Variants in PHF21A observed in about 807,000 individuals in gnomAD.
PHF21A encodes BHC80a.
PHF21A carries 11 observed loss-of-function variants against 82.5 expected under a neutral mutation model. The observed-to-expected ratio is 0.13, with a 90% CI of 0.08 to 0.22. The LOEUF (loss-of-function observed/expected upper bound fraction) is 0.22. Ranked by LOEUF, PHF21A falls within the 10% of genes least tolerant of loss-of-function variation. The pLI is 1.00. For missense variants in PHF21A, 579 were observed against 837.8 expected (o/e 0.69, Z 3.81); for synonymous variants, 297 against 302.8 (o/e 0.98, Z 0.20).
intron 4 of PHF21A, among the ~76,000 whole-genome samples, chr11:46,081,704 A>G (rs2096794445): frequency 1.3e-5 from 2 of 152,246 alleles, no homozygotes; most frequent in South Asian, 2.1e-4. Context: ...GAATGCGGCA[A>G]TATTTCTTGA....
chr11:45,935,559 C>T (rs757810876), intron 18 of PHF21A, 77 bp downstream of exon 18: 9 of 824,872 alleles, frequency 1.1e-5, no homozygotes, highest in East Asian at 2.4e-5. Flanking sequence ...GGGGCCCACA[C>T]GTACTGTTAC....
intron 6 of PHF21A, among the ~76,000 whole-genome samples, chr11:46,040,251 C>T (rs1482692134): frequency 6.6e-6 from 1 of 152,156 alleles, no homozygotes; most frequent in Non-Finnish European, 1.5e-5. Context: ...ATAATGGTCT[C>T]ACCTCAGTGG....
At chr11:46,010,590 TTC>T (rs1301704709) in intron 6 of PHF21A, among the ~76,000 whole-genome samples, 1 of 152,170 alleles carries the variant, frequency 6.6e-6, no homozygotes, top group African/African-American at 2.4e-5. Context: ...GCTTTTTGGG[TTC>T]TCTTCTTTTG....
chr11:45,963,973 C>A (rs1373931347), intron 10 of PHF21A, among the ~76,000 whole-genome samples: 2 of 151,884 alleles, frequency 1.3e-5, no homozygotes, highest in Admixed American at 1.3e-4. Flanking sequence ...CTGAGGCAGG[C>A]AGGTCACTTG....
chr11:46,015,076 A>C (rs1248350860), intron 6 of PHF21A, among the ~76,000 whole-genome samples: 2 of 152,078 alleles, frequency 1.3e-5, no homozygotes, highest in Non-Finnish European at 2.9e-5. Context: ...TGTGCTTTTG[A>C]TTTGCATTTC....
chr11:46,074,463 G>T (rs576930820), intron 6 of PHF21A, among the ~76,000 whole-genome samples: 6 of 89,028 alleles, frequency 6.7e-5, no homozygotes, highest in African/African-American at 1.7e-4. Context: ...TTTGGCGGGA[G>T]GGGGGAAGGC....
chr11:46,000,265 G>A lies in PHF21A; in HGVS notation c.154-20299C>T, dbSNP rs1333412411. On this transcript the variant is annotated intron_variant, in intron 6 of 18. Coordinates refer to ENST00000676320, the MANE Select transcript of PHF21A (RefSeq NM_001352027.3). Reference sequence around the variant, plus strand: ...TATTCACTTCTACACTATATGCCAAGGAATACAGTGTTATTTAGAAAATAT... The same window carrying A: ...TATTCACTTCTACACTATATGCCAAAGAATACAGTGTTATTTAGAAAATAT... Among the ~76,000 whole-genome samples the A allele has an allele frequency of 4.6e-5, 7 of 152,156 alleles. No individual in the cohort carries two copies. In the South Asian group the frequency reaches 1.4e-3, roughly 31 times the overall value.
chr11:46,017,583 A>G (rs569926349), intron 6 of PHF21A, among the ~76,000 whole-genome samples: 39 of 144,530 alleles, frequency 2.7e-4, no homozygotes, highest in South Asian at 8.8e-4. Context: ...CTTAAGGGGG[A>G]AAAAAAAAAA....
At chr11:46,038,370 C>T (rs2096060706) in intron 6 of PHF21A, among the ~76,000 whole-genome samples, 2 of 152,062 alleles carry the variant, frequency 1.3e-5, no homozygotes, top group African/African-American at 2.4e-5. Flanking sequence ...TCAAGTGATC[C>T]ACCCGCCTCA....
chr11:46,076,181 G>A (rs1391951842), intron 6 of PHF21A, among the ~76,000 whole-genome samples: 1 of 152,180 alleles, frequency 6.6e-6, no homozygotes, highest in Non-Finnish European at 1.5e-5. Flanking sequence ...TATTTTCCAG[G>A]TGTCCTTGGA....
chr11:45,963,270 A>G (rs2093223613), intron 10 of PHF21A, among the ~76,000 whole-genome samples: 1 of 151,850 alleles, frequency 6.6e-6, no homozygotes, highest in Non-Finnish European at 1.5e-5. Context: ...AAATACAAAA[A>G]TTAGCCGGGT....
intron 6 of PHF21A, among the ~76,000 whole-genome samples, chr11:46,054,180 G>A (rs1466316923): frequency 6.6e-6 from 1 of 152,114 alleles, no homozygotes; most frequent in African/African-American, 2.4e-5. Flanking sequence ...ACTATAGTCA[G>A]AGAAGAATTT....
chr11:45,941,756 G>A (rs2090388439), intron 15 of PHF21A, among the ~76,000 whole-genome samples: 1 of 152,222 alleles, frequency 6.6e-6, no homozygotes, highest in Admixed American at 6.5e-5. Context: ...CGGTAGGTAA[G>A]TTGAAAAACA....
intron 12 of PHF21A, 120 bp downstream of exon 12, chr11:45,950,086 G>C (rs1339194816): frequency 8.1e-6 from 6 of 741,078 alleles, no homozygotes; most frequent in Non-Finnish European, 1.1e-5. Flanking sequence ...AGTCCACATT[G>C]GCTGAATCAT....
At chr11:46,064,192 C>T (rs2096568441) in intron 6 of PHF21A, among the ~76,000 whole-genome samples, 1 of 152,138 alleles carries the variant, frequency 6.6e-6, no homozygotes, top group African/African-American at 2.4e-5. Context: ...TAATCATTCA[C>T]TGTTCATAGG....
chr11:46,025,911 C>T (rs910199074), intron 6 of PHF21A, among the ~76,000 whole-genome samples: 16 of 152,078 alleles, frequency 1.1e-4, no homozygotes, highest in African/African-American at 3.4e-4. Flanking sequence ...TTATTGTAGG[C>T]GAAGACATTT....
At position 46,087,763 on chromosome 11, in the gene PHF21A, AT is replaced by A. The variant is rs548977894; in HGVS notation, c.-84+2691del. Among the ~76,000 whole-genome samples the A allele has an allele frequency of 7.9e-5, 12 of 151,944 alleles. No homozygotes were observed. In the South Asian group the frequency reaches 2.5e-3, roughly 32 times the overall value. ...AATACATGCTGAATATTTTGAAAAAATTTTTTTCCTGAGATAGGGTCTTACT... is the reference window on the plus strand; with the variant it reads ...AATACATGCTGAATATTTTGAAAAAATTTTTTCCTGAGATAGGGTCTTACT... On this transcript the variant is annotated intron_variant, in intron 3 of 18. Transcript: ENST00000676320.
At chr11:45,934,899 G>C (rs1291338018) in intron 18 of PHF21A, 1 of 367,816 alleles carries the variant, frequency 2.7e-6, no homozygotes, top group Admixed American at 3.4e-5. Context: ...GCCATGGGTA[G>C]GTATGGTGAG....
intron 6 of PHF21A, among the ~76,000 whole-genome samples, chr11:46,073,100 G>A (rs1195446277): frequency 6.6e-6 from 1 of 152,088 alleles, no homozygotes; most frequent in African/African-American, 2.4e-5. Context: ...AGGCCGAGGT[G>A]GGAGGATCAC....
Sources: allele counts gnomAD v4.1 joint callset (sites outside exome capture counted in the v4.1 genomes callset), GRCh38; gene constraint gnomAD v4.1.1; transcripts MANE v1.5; gene names NCBI Gene and HGNC (gene_info 2026-07-23, HGNC 2026-07-21).